Variants in SLC44A5 observed in about 807,000 individuals in gnomAD.
SLC44A5 encodes choline transporter-like protein 5.
In SLC44A5, 57 loss-of-function variants were observed where a neutral mutation model predicts 101.8. That is an observed-to-expected ratio of 0.56 (90% CI 0.45 to 0.70). The LOEUF is 0.70. Among genes scored for constraint, SLC44A5 ranks in the 30% least tolerant of loss-of-function variants. The probability of loss-of-function intolerance (pLI) is 0.00; values close to 1 mark genes in which losing one functional copy is unlikely to be tolerated. For missense variants in SLC44A5, 737 were observed against 853.1 expected, an observed-to-expected ratio of 0.86 and a Z score of 1.70; for synonymous variants, 281 against 290.9, an observed-to-expected ratio of 0.97 and a Z score of 0.35.
intron 17 of SLC44A5, 121 bp from the exon 18 acceptor site, chr1:75,218,081 G>T: frequency 2.9e-6 from 2 of 684,016 alleles, no homozygotes; most frequent in South Asian, 1.9e-5. Context: ...AGAGACTTTT[G>T]CACTCTCTTA....
At position 75,235,256 on chromosome 1, in the gene SLC44A5, A is replaced by G. The variant is rs544696108; in HGVS notation, c.741-1158T>C. Among the ~76,000 whole-genome samples, 274 of 152,176 alleles carry G rather than the reference A, an allele frequency of 1.8e-3. 1 individual carries two copies. The highest frequency in any genetic ancestry group is 6.4e-3 in the African/African-American group (267 of 41,570). ...TGTCAGAGGAAAAAAAACAAAAAAT[A>G]CAGCTATTTTAAGCGTATCAATACT... On this transcript the variant is annotated intron_variant, in intron 11 of 23. Transcript: ENST00000370859.
chr1:75,675,015 C>T, the SLC44A5 span, among the ~76,000 whole-genome samples: 1 of 152,072 alleles, frequency 6.6e-6, no homozygotes, highest in Non-Finnish European at 1.5e-5. Flanking sequence ...TACTGTAGAG[C>T]CTTGTGGTAG....
intron 4 of SLC44A5, among the ~76,000 whole-genome samples, chr1:75,312,563 C>T (rs1365612213): frequency 6.6e-6 from 1 of 152,084 alleles, no homozygotes; most frequent in Non-Finnish European, 1.5e-5. Context: ...TCTTCTGTGG[C>T]ATATGTGATG....
intron 2 of SLC44A5, among the ~76,000 whole-genome samples, chr1:75,436,609 G>A (rs1415903418): frequency 1.3e-5 from 2 of 152,050 alleles, no homozygotes; most frequent in Non-Finnish European, 2.9e-5. Context: ...GTACACTACT[G>A]TAGACTATAC....
chr1:75,451,794 A>T (rs1174962092), intron 2 of SLC44A5, among the ~76,000 whole-genome samples: 1 of 152,150 alleles, frequency 6.6e-6, no homozygotes, highest in African/African-American at 2.4e-5. Context: ...AATCAGTCAG[A>T]CAAAATTTTT....
chr1:75,233,553 C>T (rs1647792556), intron 12 of SLC44A5, among the ~76,000 whole-genome samples: 1 of 152,144 alleles, frequency 6.6e-6, no homozygotes, highest in Non-Finnish European at 1.5e-5. Flanking sequence ...AATTATTAAA[C>T]GGTGTGACAG....
At chr1:75,659,444 G>GGAGGGAAGGAAGGAAT in the SLC44A5 span, among the ~76,000 whole-genome samples, 1 of 9,558 alleles carries the variant, frequency 1.0e-4, no homozygotes, top group African/African-American at 3.0e-4. Flanking sequence ...AGGGAGGGAG[G>GGAGGGAAGGAAGGAAT]GAAGGAAGGA....
chr1:75,478,249 G>A (rs1667565580), intron 2 of SLC44A5, among the ~76,000 whole-genome samples: 1 of 152,018 alleles, frequency 6.6e-6, no homozygotes, highest in Non-Finnish European at 1.5e-5. Context: ...GCTCCTGAAG[G>A]AAGCACTAAA....
chr1:75,664,263 G>A, the SLC44A5 span, among the ~76,000 whole-genome samples: 1 of 152,122 alleles, frequency 6.6e-6, no homozygotes, highest in South Asian at 2.1e-4. Flanking sequence ...AGACAAGGAT[G>A]CCCACTCGCA....
chr1:75,465,452 A>G (rs915147689), intron 2 of SLC44A5, among the ~76,000 whole-genome samples: 1 of 152,114 alleles, frequency 6.6e-6, no homozygotes, highest in African/African-American at 2.4e-5. Context: ...ACTTCAAACA[A>G]CCTAACAATG....
the SLC44A5 span, among the ~76,000 whole-genome samples, chr1:75,671,690 T>C: frequency 1.3e-5 from 2 of 152,250 alleles, no homozygotes; most frequent in South Asian, 2.1e-4. Context: ...GCAAAGAGAA[T>C]TGATAGTGAT....
At chr1:75,536,399 ACCAT>A (rs1671004503) in intron 2 of SLC44A5, among the ~76,000 whole-genome samples, 1 of 151,596 alleles carries the variant, frequency 6.6e-6, no homozygotes, top group South Asian at 2.1e-4. Flanking sequence ...GGAGATCGAG[ACCAT>A]CCTGGCTAAC....
At chr1:75,695,648 T>A in the SLC44A5 span, among the ~76,000 whole-genome samples, 2 of 150,522 alleles carry the variant, frequency 1.3e-5, no homozygotes, top group African/African-American at 4.8e-5. Flanking sequence ...AAATAAGGTA[T>A]GTTGTCAGCA....
At chr1:75,444,271 T>C (rs6700895) in intron 2 of SLC44A5, among the ~76,000 whole-genome samples, 85,938 of 147,058 alleles carry the variant, frequency 0.58, 25,780 homozygotes, top group East Asian at 0.96. Flanking sequence ...GAGCTGAGAT[T>C]GCTCCACTGC....
the SLC44A5 span, among the ~76,000 whole-genome samples, chr1:75,712,696 A>AG: frequency 1.3e-4 from 15 of 117,906 alleles, no homozygotes; most frequent in East Asian, 6.9e-4. Flanking sequence ...CAAGCATTTG[A>AG]GAAAAAAAAA....
intron 1 of SLC44A5, among the ~76,000 whole-genome samples, chr1:75,602,944 G>A (rs949543130): frequency 6.6e-6 from 1 of 151,988 alleles, no homozygotes; most frequent in African/African-American, 2.4e-5. Flanking sequence ...TTAATAAAAT[G>A]TAAATTTATT....
chr1:75,533,156 C>T (rs1368321667), intron 2 of SLC44A5, among the ~76,000 whole-genome samples: 1 of 152,110 alleles, frequency 6.6e-6, no homozygotes, highest in African/African-American at 2.4e-5. Context: ...CTGAATGACT[C>T]TGATGATTCT....
intron 6 of SLC44A5, among the ~76,000 whole-genome samples, chr1:75,258,364 T>A (rs978690215): frequency 7.3e-5 from 11 of 151,448 alleles, no homozygotes; most frequent in African/African-American, 2.2e-4. Context: ...GGAAGGGGTG[T>A]CTGCCATTGC....
intron 3 of SLC44A5, among the ~76,000 whole-genome samples, chr1:75,368,431 A>T (rs544842660): frequency 6.6e-6 from 1 of 152,334 alleles, no homozygotes; most frequent in Admixed American, 6.5e-5. Context: ...TTTGATCCAC[A>T]GTTGGCTAAA....
Sources: gnomAD v4.1 joint callset for allele counts (sites outside exome capture counted in the v4.1 genomes callset) on GRCh38, gnomAD v4.1.1 for gene constraint, MANE v1.5 for transcripts, NCBI Gene and HGNC (gene_info 2026-07-23, HGNC 2026-07-21) for gene names.